The following DACH2 variants were observed in gnomAD, a reference collection of about 807,000 sequenced individuals.
DACH2 encodes dachshund family transcription factor 2, also known as dachshund homolog 2.
In DACH2, 17 loss-of-function variants were observed where a neutral mutation model predicts 35.8. The ratio of observed to expected loss-of-function variants is 0.48; its 90% CI spans 0.33 to 0.71. The LOEUF (loss-of-function observed/expected upper bound fraction) is 0.71. DACH2 is among the 30% of genes least tolerant of loss of function. The pLI is 0.02. For synonymous variants in DACH2, 195 were observed against 177.3 expected (o/e 1.10, Z -0.79); for missense variants, 469 against 472.7 (o/e 0.99, Z 0.07).
intron 3 of DACH2, among the ~76,000 whole-genome samples, chrX:86,569,834 T>C (rs775127687): frequency 9.0e-6 from 1 of 111,697 alleles, no homozygotes; most frequent in African/African-American, 3.2e-5. Flanking sequence ...TTTTTCTCAA[T>C]ATATCCATCT....
intron 2 of DACH2, among the ~76,000 whole-genome samples, chrX:86,471,202 C>T (rs1022352481): frequency 9.0e-6 from 1 of 111,209 alleles, no homozygotes; most frequent in Admixed American, 9.6e-5. Context: ...AAAGTTAGAC[C>T]ACTGACAATG....
At chrX:86,661,384 C>G (rs1409320420) in intron 4 of DACH2, among the ~76,000 whole-genome samples, 1 of 112,421 alleles carries the variant, frequency 8.9e-6, no homozygotes, top group African/African-American at 3.2e-5. Flanking sequence ...ACATTGTACT[C>G]TCTGTATGGA....
At chrX:86,378,503 T>C (rs1038984761) in intron 2 of DACH2, among the ~76,000 whole-genome samples, 1 of 110,845 alleles carries the variant, frequency 9.0e-6, no homozygotes, top group Non-Finnish European at 1.9e-5. Flanking sequence ...ATTATTACCA[T>C]GTGGGAATGC....
At chrX:86,579,445 G>A (rs2039475594) in intron 3 of DACH2, among the ~76,000 whole-genome samples, 1 of 109,071 alleles carries the variant, frequency 9.2e-6, no homozygotes, top group Non-Finnish European at 1.9e-5. Context: ...TATACATTCT[G>A]TATATAATAT....
At chrX:86,235,058 T>C (rs774371023) in intron 1 of DACH2, among the ~76,000 whole-genome samples, 1 of 112,041 alleles carries the variant, frequency 8.9e-6, no homozygotes, top group Non-Finnish European at 1.9e-5. Context: ...CTCTTGTCTG[T>C]GGCAGTTTCT....
chrX:86,494,366 A>T (rs1327469525), intron 2 of DACH2, among the ~76,000 whole-genome samples: 2 of 112,215 alleles, frequency 1.8e-5, no homozygotes, highest in East Asian at 5.6e-4. Context: ...CTGAGTGGCT[A>T]CTATGAGCCC....
At chrX:86,657,391 A>G (rs2040555802) in intron 4 of DACH2, among the ~76,000 whole-genome samples, 1 of 111,162 alleles carries the variant, frequency 9.0e-6, no homozygotes, top group Non-Finnish European at 1.9e-5. Context: ...CACAAAAATT[A>G]AAAACCTAGT....
intron 7 of DACH2, among the ~76,000 whole-genome samples, chrX:86,775,642 TG>T (rs1321217013): frequency 1.8e-5 from 2 of 111,933 alleles, no homozygotes; most frequent in East Asian, 5.6e-4. Context: ...AGGCTAATAA[TG>T]TGCTCAGTTC....
chrX:86,206,135 TC>T (rs1401366178), intron 1 of DACH2, among the ~76,000 whole-genome samples: 1 of 111,506 alleles, frequency 9.0e-6, no homozygotes, highest in Non-Finnish European at 1.9e-5. Flanking sequence ...CAAACCCTGA[TC>T]AGTCCCTTGC....
chrX:86,697,370 C>T (rs1405385189), intron 5 of DACH2, among the ~76,000 whole-genome samples: 1 of 110,848 alleles, frequency 9.0e-6, no homozygotes, highest in Non-Finnish European at 1.9e-5. Context: ...GTCGAGCAAC[C>T]ATTTATGATA....
At chrX:86,468,249 A>G (rs1333768942) in intron 2 of DACH2, among the ~76,000 whole-genome samples, 1 of 111,639 alleles carries the variant, frequency 9.0e-6, no homozygotes, top group African/African-American at 3.3e-5. Flanking sequence ...ATTATGAAAT[A>G]TATACAATCA....
intron 1 of DACH2, among the ~76,000 whole-genome samples, chrX:86,338,496 A>C (rs1402389991): frequency 8.9e-6 from 1 of 112,005 alleles, no homozygotes; most frequent in African/African-American, 3.2e-5. Context: ...TAAGGCATAA[A>C]TGAAGATGTT....
intron 7 of DACH2, among the ~76,000 whole-genome samples, chrX:86,784,301 A>T (rs202201504): frequency 0.24 from 26,004 of 109,938 alleles, 2,405 homozygotes; most frequent in East Asian, 0.46. Flanking sequence ...CATCCCCAAC[A>T]AAAAGTAAGC....
intron 1 of DACH2, among the ~76,000 whole-genome samples, chrX:86,317,725 T>C (rs746678212): frequency 4.5e-5 from 5 of 111,755 alleles, no homozygotes; most frequent in Admixed American, 1.9e-4. Flanking sequence ...TCACAAGGAA[T>C]CTCAGATGGG....
intron 3 of DACH2, among the ~76,000 whole-genome samples, chrX:86,619,633 C>T (rs1295949823): frequency 8.9e-6 from 1 of 111,853 alleles, no homozygotes; most frequent in Non-Finnish European, 1.9e-5. Context: ...TTAAATAAAC[C>T]ATGGTCCTTA....
Position 86,678,957 on chromosome X carries a change from T to A in DACH2, c.773-16064T>A, listed in dbSNP as rs928162873. Among the ~76,000 whole-genome samples the A allele has an allele frequency of 2.1e-4, 23 of 111,385 alleles. 1 individual carries two copies. Among genetic ancestry groups the A allele is most frequent in the African/African-American group, 6.9e-4 (21 of 30,621 alleles). ...CAAAACTATGGAGCTGCCTGTTCCC[T>A]TGGTATCTTAGGTTCCAGATCTCCA... On this transcript the variant is annotated intron_variant, in intron 4 of 11. Coordinates refer to ENST00000373125, the MANE Select transcript of DACH2 (RefSeq NM_053281.3).
intron 7 of DACH2, among the ~76,000 whole-genome samples, chrX:86,761,391 G>C (rs963074988): frequency 8.9e-6 from 1 of 111,755 alleles, no homozygotes; most frequent in African/African-American, 3.3e-5. Flanking sequence ...TTTAAGTGTG[G>C]AAACAACAGA....
At chrX:86,798,833 C>A in intron 7 of DACH2, 1 of 133,566 alleles carries the variant, frequency 7.5e-6, no homozygotes, top group East Asian at 2.6e-4. Context: ...GCTTCAAAAT[C>A]ATCAACGATT....
chrX:86,539,698 G>A (rs1351535436), intron 3 of DACH2, among the ~76,000 whole-genome samples: 2 of 111,399 alleles, frequency 1.8e-5, no homozygotes, highest in Non-Finnish European at 3.8e-5. Context: ...ATGGCTCTGA[G>A]CACATTACTT....
Sources: gnomAD v4.1 joint callset for allele counts (sites outside exome capture counted in the v4.1 genomes callset) on GRCh38, gnomAD v4.1.1 for gene constraint, MANE v1.5 for transcripts, NCBI Gene and HGNC (gene_info 2026-07-23, HGNC 2026-07-21) for gene names.